ANKRD17: variants seen among roughly 807,000 people sequenced by gnomAD.
ANKRD17 encodes ankyrin repeat domain-containing protein 17.
ANKRD17 carries 19 observed loss-of-function variants against 229.7 expected under a neutral mutation model. That is an observed-to-expected ratio of 0.08 (90% CI 0.06 to 0.12). ANKRD17 has a LOEUF of 0.12. Among genes scored for constraint, ANKRD17 ranks in the 10% least tolerant of loss-of-function variants. The pLI is 1.00. For synonymous variants in ANKRD17, 1,112 were observed against 1,146.1 expected, an observed-to-expected ratio of 0.97 and a Z score of 0.60; for missense variants, 2,176 against 3,176.8, an observed-to-expected ratio of 0.68 and a Z score of 7.57.
At chr4:73,232,008 C>A (rs1443423158) in intron 1 of ANKRD17, among the ~76,000 whole-genome samples, 2 of 152,146 alleles carry the variant, frequency 1.3e-5, no homozygotes, top group Non-Finnish European at 2.9e-5. Context: ...TCAGCTGTAT[C>A]CTTTGTAATA....
At chr4:73,101,036 TAGGTATTAG>T in intron 25 of ANKRD17, 1 of 938,598 alleles carries the variant, frequency 1.1e-6, no homozygotes, top group Non-Finnish European at 1.3e-6. Context: ...GCATTTGCGT[TAGGTATTAG>T]AGGTAATGTA....
At position 73,078,695 on chromosome 4, in the gene ANKRD17, G is replaced by A; in HGVS notation, c.7355C>T (p.Thr2452Ile). 3 of 1,614,206 alleles carry A rather than the reference G, an allele frequency of 1.9e-6. No homozygotes were observed. The highest frequency in any genetic ancestry group is 2.5e-6 in the Non-Finnish European group (3 of 1,180,030). Residue 2452 changes from threonine to isoleucine, a missense_variant, in exon 31 of 34, where the codon ACA becomes ATA. Physicochemically the swap from Thr to Ile is moderately conservative, Grantham distance 89 (BLOSUM62 -1). Coordinates refer to ENST00000358602, the MANE Select transcript of ANKRD17 (RefSeq NM_032217.5). ...CCAGATGCCACTATGTCCTACTGAT[G>A]TAGACAAATTGCTCCCAATAACAGA... is the stretch of plus-strand genomic sequence containing the variant. ...APSVIGSNLS[T>I]SVGHSGIWSF...
chr4:73,202,540 G>A (rs1738815805), intron 1 of ANKRD17, among the ~76,000 whole-genome samples: 1 of 152,020 alleles, frequency 6.6e-6, no homozygotes, highest in Non-Finnish European at 1.5e-5. Flanking sequence ...CCAGAGGAGA[G>A]AGATTTCATT....
At chr4:73,142,410 A>G in intron 12 of ANKRD17, 25 bp from the exon 13 acceptor site, 4 of 1,583,086 alleles carry the variant, frequency 2.5e-6, no homozygotes, top group East Asian at 2.2e-5. Flanking sequence ...ATGGAAGGGG[A>G]AAAAAAGTGA....
At position 73,245,477 on chromosome 4, in the gene ANKRD17, C is replaced by T. The variant is rs954434305; in HGVS notation, c.393+12799G>A. On this transcript the variant is annotated intron_variant, in intron 1 of 33. Coordinates refer to ENST00000358602, the MANE Select transcript of ANKRD17 (RefSeq NM_032217.5). ...GCTGAGTCTACAATTGTTCTCTCTTCGCTGTATCTTCCCTTCCTGACTGCC... is the reference window on the plus strand; with the variant it reads ...GCTGAGTCTACAATTGTTCTCTCTTTGCTGTATCTTCCCTTCCTGACTGCC... Among the ~76,000 whole-genome samples, 4 of 152,236 alleles carry T rather than the reference C, an allele frequency of 2.6e-5. No homozygotes were observed. In the East Asian group the frequency reaches 5.8e-4, roughly 22 times the overall value.
intron 1 of ANKRD17, among the ~76,000 whole-genome samples, chr4:73,223,506 T>C (rs994611534): frequency 3.9e-5 from 6 of 152,228 alleles, no homozygotes; most frequent in African/African-American, 1.2e-4. Context: ...ATCAGGCAAA[T>C]GTATTATATA....
Position 73,215,819 on chromosome 4 carries a change from T to C in ANKRD17, c.394-38286A>G, listed in dbSNP as rs114893032. Among the ~76,000 whole-genome samples the C allele has an allele frequency of 6.2e-3, 940 of 152,264 alleles. 11 individuals carry two copies. Among genetic ancestry groups the C allele is most frequent in the African/African-American group, 0.019 (781 of 41,550 alleles). Reference sequence around the variant, plus strand: ...CAATTATCTGAAAGGGCTATGAAAATAGTTTTTGTTTTTTTATCCTCCTAA... The same window carrying C: ...CAATTATCTGAAAGGGCTATGAAAACAGTTTTTGTTTTTTTATCCTCCTAA... On this transcript the variant is annotated intron_variant, in intron 1 of 33. Coordinates refer to ENST00000358602, the MANE Select transcript of ANKRD17 (RefSeq NM_032217.5).
intron 14 of ANKRD17, among the ~76,000 whole-genome samples, chr4:73,140,914 A>G (rs972896552): frequency 5.3e-5 from 8 of 152,220 alleles, no homozygotes; most frequent in African/African-American, 1.7e-4. Flanking sequence ...TCCCTGGAAG[A>G]AAAGATGCTG....
At chr4:73,158,706 G>A (rs936656173) in intron 3 of ANKRD17, among the ~76,000 whole-genome samples, 114 of 152,174 alleles carry the variant, frequency 7.5e-4, no homozygotes, top group African/African-American at 2.4e-3. Flanking sequence ...TTCATGAATC[G>A]GTTAATCCAT....
intron 1 of ANKRD17, among the ~76,000 whole-genome samples, chr4:73,251,762 A>C (rs1745053292): frequency 6.6e-6 from 1 of 152,206 alleles, no homozygotes; most frequent in African/African-American, 2.4e-5. Flanking sequence ...ATAAAAATTC[A>C]GATAAACTAC....
chr4:73,087,698 A>C (rs765078277), intron 29 of ANKRD17, among the ~76,000 whole-genome samples: 1 of 152,218 alleles, frequency 6.6e-6, no homozygotes, highest in Non-Finnish European at 1.5e-5. Context: ...TGTTATTATC[A>C]AATTCATCCT....
chr4:73,204,358 C>CAAAA lies in ANKRD17; in HGVS notation c.394-26829_394-26826dup, dbSNP rs374000000. Among the ~76,000 whole-genome samples the CAAAA allele has an allele frequency of 1.5e-3, 90 of 59,034 alleles. 1 individual carries two copies. Among genetic ancestry groups the CAAAA allele is most frequent in the African/African-American group, 5.1e-3 (72 of 14,048 alleles). 38.7% of individuals were successfully genotyped at this position (59,034 alleles called of 152,430 possible). ...CCTGGGCGACAAAGTGAGACTCCGT[C>CAAAA]AAAAAAAAAAAAAAAAAAAAAGAAA... On this transcript the variant is annotated intron_variant, in intron 1 of 33. Transcript: ENST00000358602.
chr4:73,223,196 C>A, intron 1 of ANKRD17: 1 of 535,892 alleles, frequency 1.9e-6, no homozygotes, highest in South Asian at 3.3e-5. Flanking sequence ...GGGTGACTCA[C>A]TGTGTATTTT....
At chr4:73,112,319 A>G (rs1194163968) in intron 24 of ANKRD17, among the ~76,000 whole-genome samples, 1 of 152,242 alleles carries the variant, frequency 6.6e-6, no homozygotes, top group Non-Finnish European at 1.5e-5. Context: ...ACAAAAATTT[A>G]AAGAATCAAA....
intron 2 of ANKRD17, chr4:73,168,852 T>C (rs1160920496): frequency 6.6e-6 from 1 of 152,212 alleles, no homozygotes; most frequent in African/African-American, 2.4e-5. Context: ...CTGCATGTTG[T>C]GGGGGTTCAG....
At chr4:73,244,454 A>C (rs1196937546) in intron 1 of ANKRD17, among the ~76,000 whole-genome samples, 1 of 152,176 alleles carries the variant, frequency 6.6e-6, no homozygotes, top group Non-Finnish European at 1.5e-5. Context: ...ATTTAAATTA[A>C]AAATTAAAAA....
chr4:73,255,110 C>CAAATTATGTTT (rs1168987370), intron 1 of ANKRD17, among the ~76,000 whole-genome samples: 6 of 152,116 alleles, frequency 3.9e-5, no homozygotes, highest in Non-Finnish European at 7.4e-5. Flanking sequence ...TCCAGGTATA[C>CAAATTATGTTT]CCGAAGTTAT....
At position 73,097,284 on chromosome 4, in the gene ANKRD17, A is replaced by T; in HGVS notation, c.5022-12T>A. 6.4e-7 allele frequency: 1 copy of T among 1,569,284 alleles called. No individual in the cohort carries two copies. The highest frequency in any genetic ancestry group is 8.6e-7 in the Non-Finnish European group (1 of 1,162,042). The stretch of plus-strand genomic sequence containing the variant: ...TAGTTTCTGACAATCTTTAACAAAG[A>T]GAGGGAAAGTACATTAAATATGGAA... On this transcript the variant is annotated splice_polypyrimidine_tract_variant and intron_variant, in intron 26 of 33. Coordinates refer to ENST00000358602, the MANE Select transcript of ANKRD17 (RefSeq NM_032217.5).
At chr4:73,088,726 T>C (rs529122951) in intron 29 of ANKRD17, among the ~76,000 whole-genome samples, 1 of 152,342 alleles carries the variant, frequency 6.6e-6, no homozygotes, top group East Asian at 1.9e-4. Context: ...CTGACCACCT[T>C]CATTAAATTT....
Sources: allele counts gnomAD v4.1 joint callset (sites outside exome capture counted in the v4.1 genomes callset), GRCh38; gene constraint gnomAD v4.1.1; transcripts MANE v1.5; gene names NCBI Gene and HGNC (gene_info 2026-07-23, HGNC 2026-07-21).